PDE4D: variants seen among roughly 807,000 people sequenced by gnomAD.
PDE4D encodes the protein phosphodiesterase 4D.
A neutral mutation model predicts 87.4 loss-of-function variants in PDE4D; 24 were observed. The observed-to-expected ratio is 0.27, with a 90% CI of 0.20 to 0.39. The LOEUF is 0.39. PDE4D is among the 10% of genes least tolerant of loss of function. The pLI, the probability that PDE4D is intolerant of heterozygous loss-of-function variation, is 1.00. For missense variants in PDE4D, 714 were observed against 1,041.0 expected, an observed-to-expected ratio of 0.69 and a Z score of 4.32; for synonymous variants, 384 against 383.2, an observed-to-expected ratio of 1.00 and a Z score of -0.02.
chr5:60,209,473 T>C (rs1352359439), intron 1 of PDE4D, among the ~76,000 whole-genome samples: 2 of 152,160 alleles, frequency 1.3e-5, no homozygotes, highest in Non-Finnish European at 2.9e-5. Flanking sequence ...AACACTTCAA[T>C]CCAGCAAAGG....
rs1418545521 is a variant in PDE4D at position 59,959,569 on chromosome 5, C to T, written c.272+28919G>A. On this transcript the variant is annotated intron_variant, in intron 3 of 16. Transcript: ENST00000502484. ...CAAAATAAAGCTGCACGCCTACAGC[C>T]ATCTGATCTTTGACAATGTCAACAA... 3.3e-5 allele frequency among the ~76,000 whole-genome samples: 5 copies of T among 152,102 alleles called. No individual in the cohort carries two copies. The East Asian group carries it at 9.6e-4, about 29-fold the overall frequency.
intron 2 of PDE4D, among the ~76,000 whole-genome samples, chr5:60,141,964 A>G (rs778129501): frequency 2.0e-5 from 3 of 152,146 alleles, no homozygotes; most frequent in Non-Finnish European, 4.4e-5. Context: ...ATAACTCAAA[A>G]CAACAACTAG....
rs540647311 is a variant in PDE4D, at chr5:59,057,600, G to T, written c.809-18629C>A. Among the ~76,000 whole-genome samples the T allele has an allele frequency of 2.0e-5, 3 of 152,266 alleles. No individual in the cohort carries two copies. The South Asian group carries it at 6.2e-4, about 32-fold the overall frequency. ...CTCCAACAGTCTGTTATCCAATGCTGGATAACTGAGATAGTCTTCCCAGCA... is the reference window on the plus strand; with the variant it reads ...CTCCAACAGTCTGTTATCCAATGCTTGATAACTGAGATAGTCTTCCCAGCA... On this transcript the variant is annotated intron_variant, in intron 5 of 14. Coordinates refer to ENST00000340635, the MANE Select transcript of PDE4D (RefSeq NM_001104631.2).
chr5:60,332,794 T>A (rs1383538108), intron 1 of PDE4D, among the ~76,000 whole-genome samples: 9 of 152,052 alleles, frequency 5.9e-5, no homozygotes, highest in Admixed American at 1.3e-4. Context: ...TGAGTCATTT[T>A]AAAAAAAAGA....
At chr5:60,074,305 G>C (rs1424103730) in intron 2 of PDE4D, among the ~76,000 whole-genome samples, 1 of 152,080 alleles carries the variant, frequency 6.6e-6, no homozygotes, top group Non-Finnish European at 1.5e-5. Flanking sequence ...TCAAAAGTGG[G>C]TTGTTTAGTT....
At chr5:59,064,316 A>C (rs1257931110) in intron 5 of PDE4D, among the ~76,000 whole-genome samples, 1 of 152,194 alleles carries the variant, frequency 6.6e-6, no homozygotes, top group Non-Finnish European at 1.5e-5. Context: ...ATCAACTAGC[A>C]GACCAATTAG....
At position 59,266,491 on chromosome 5, in the gene PDE4D, A is replaced by G. The variant is rs148082290; in HGVS notation, c.456-50523T>C. Among the ~76,000 whole-genome samples the G allele has an allele frequency of 3.7e-3, 561 of 152,042 alleles. 2 individuals are homozygous for G. Among genetic ancestry groups the G allele is most frequent in the African/African-American group, 0.013 (543 of 41,528 alleles). ...TTTTATGGTGCTACTAACTGGTCAA[A>G]TGCCAGAGAGAAGGAAAACTGCAAT... On this transcript the variant is annotated intron_variant, in intron 1 of 14. Transcript: ENST00000340635.
At position 58,974,788 on chromosome 5, in the gene PDE4D, C is replaced by CAA; in HGVS notation, c.2304_2305dup (p.Cys769PhefsTer22). On this transcript the variant is annotated frameshift_variant, in exon 15 of 15. Transcript: ENST00000340635. LOFTEE classifies it high-confidence loss of function. ...TTCAGTAGACTCTGAGTCTTGAGTA[C>CAA]AAAGAGTCTTGGAGTCACTGCAGCT... 1 of 1,613,736 alleles carries CAA rather than the reference C, an allele frequency of 6.2e-7. No individual in the cohort carries two copies. The highest frequency in any genetic ancestry group is 8.5e-7 in the Non-Finnish European group (1 of 1,179,702).
chr5:60,225,728 G>T (rs999493525), intron 1 of PDE4D, among the ~76,000 whole-genome samples: 3 of 151,818 alleles, frequency 2.0e-5, no homozygotes, highest in Non-Finnish European at 4.4e-5. Context: ...TTGTTTAATG[G>T]GTACCTAACA....
intron 6 of PDE4D, among the ~76,000 whole-genome samples, chr5:59,028,772 T>C (rs1756712685): frequency 6.6e-6 from 1 of 152,172 alleles, no homozygotes; most frequent in South Asian, 2.1e-4. Context: ...AGGAAAAATG[T>C]TGATTGTTTA....
intron 1 of PDE4D, among the ~76,000 whole-genome samples, chr5:59,220,513 G>C (rs1472579044): frequency 6.6e-6 from 1 of 151,982 alleles, no homozygotes; most frequent in East Asian, 1.9e-4. Flanking sequence ...TAGAACTAGG[G>C]GGTTTGCCTT....
intron 1 of PDE4D, among the ~76,000 whole-genome samples, chr5:59,862,538 C>A (rs1356698966): frequency 3.9e-5 from 6 of 152,096 alleles, no homozygotes; most frequent in Non-Finnish European, 5.9e-5. Context: ...GCTAGTTTTG[C>A]CACCTTTGCC....
intron 1 of PDE4D, among the ~76,000 whole-genome samples, chr5:60,370,828 TGA>T (rs1046055226): frequency 7.4e-5 from 11 of 147,960 alleles, no homozygotes; most frequent in African/African-American, 2.2e-4. Flanking sequence ...AGAGAGAAAA[TGA>T]GAGAGAGAGA....
intron 1 of PDE4D, among the ~76,000 whole-genome samples, chr5:59,708,284 TCAAA>T (rs1334431644): frequency 6.6e-6 from 1 of 152,074 alleles, no homozygotes; most frequent in Non-Finnish European, 1.5e-5. Flanking sequence ...TCATGTCCTC[TCAAA>T]CAAACCCCAC....
intron 1 of PDE4D, among the ~76,000 whole-genome samples, chr5:59,876,920 A>G (rs1461550695): frequency 6.6e-6 from 1 of 152,182 alleles, no homozygotes; most frequent in East Asian, 1.9e-4. Context: ...AACAACAAAA[A>G]TACATAGTAA....
At chr5:60,002,773 C>A (rs1375069210) in intron 2 of PDE4D, among the ~76,000 whole-genome samples, 1 of 152,068 alleles carries the variant, frequency 6.6e-6, no homozygotes, top group African/African-American at 2.4e-5. Context: ...AAGGAATGAA[C>A]CTCAAGACAA....
At chr5:60,123,310 A>G (rs1404436077) in intron 2 of PDE4D, among the ~76,000 whole-genome samples, 1 of 152,108 alleles carries the variant, frequency 6.6e-6, no homozygotes, top group East Asian at 1.9e-4. Flanking sequence ...CCATTTTCAC[A>G]TTGCTTATAA....
chr5:59,745,711 G>T (rs1759503650), intron 1 of PDE4D, among the ~76,000 whole-genome samples: 1 of 151,964 alleles, frequency 6.6e-6, no homozygotes. Flanking sequence ...ATCCTTACAG[G>T]TTAAAAGGTG....
chr5:59,697,578 C>T (rs1278917566), intron 1 of PDE4D, among the ~76,000 whole-genome samples: 3 of 152,186 alleles, frequency 2.0e-5, no homozygotes, highest in African/African-American at 7.2e-5. Flanking sequence ...CAAAGTTTCA[C>T]TATGCTCATT....
Sources: allele counts gnomAD v4.1 joint callset (sites outside exome capture counted in the v4.1 genomes callset), GRCh38; gene constraint gnomAD v4.1.1; transcripts MANE v1.5; gene names NCBI Gene and HGNC (gene_info 2026-07-23, HGNC 2026-07-21).